The following EPHX2 variants were observed in gnomAD, a reference collection of about 807,000 sequenced individuals.
EPHX2 encodes the protein bifunctional epoxide hydrolase 2.
A neutral mutation model predicts 78.7 loss-of-function variants in EPHX2; 74 were observed. The ratio of observed to expected loss-of-function variants is 0.94; its 90% CI spans 0.78 to 1.14. The LOEUF is 1.14. Ranked by LOEUF, EPHX2 falls within the 50% of genes most tolerant of loss-of-function variation. The pLI is 0.00. For synonymous variants in EPHX2, 251 were observed against 255.2 expected (o/e 0.98, Z 0.16); for missense variants, 715 against 702.5 (o/e 1.02, Z -0.20).
At chr8:27,506,037 A>G (rs922249695) in intron 4 of EPHX2, among the ~76,000 whole-genome samples, 2 of 152,116 alleles carry the variant, frequency 1.3e-5, no homozygotes, top group African/African-American at 2.4e-5. Context: ...CACCTAGGCT[A>G]GAGTGCAGTG....
intron 5 of EPHX2, among the ~76,000 whole-genome samples, chr8:27,509,997 C>T (rs537985255): frequency 3.3e-5 from 5 of 152,294 alleles, no homozygotes; most frequent in South Asian, 4.1e-4. Flanking sequence ...CCTTGGCTCC[C>T]GCCCGACCAT....
intron 2 of EPHX2, among the ~76,000 whole-genome samples, chr8:27,503,052 G>C (rs983846135): frequency 1.3e-5 from 2 of 152,116 alleles, no homozygotes; most frequent in Non-Finnish European, 2.9e-5. Context: ...AAGTAATTGG[G>C]TCATGAGGGT....
chr8:27,504,840 A>G (rs1192994392), intron 3 of EPHX2, 116 bp from the exon 4 acceptor site: 2 of 1,057,712 alleles, frequency 1.9e-6, no homozygotes, highest in East Asian at 2.6e-5. Context: ...GGCATAAGAG[A>G]TTAATAAAAG....
intron 14 of EPHX2, among the ~76,000 whole-genome samples, chr8:27,539,467 G>A (rs554293164): frequency 6.6e-6 from 1 of 152,326 alleles, no homozygotes; most frequent in South Asian, 2.1e-4. Flanking sequence ...AAGTGGCTGA[G>A]CTGGGGTTAA....
chr8:27,509,945 A>G (rs1231972270), intron 5 of EPHX2, among the ~76,000 whole-genome samples: 1 of 152,146 alleles, frequency 6.6e-6, no homozygotes, highest in Admixed American at 6.5e-5. Flanking sequence ...CTGAGGACAC[A>G]TGGCAGGAGG....
chr8:27,505,040 A>T lies in EPHX2; in HGVS notation c.431A>T (p.Lys144Met). 1 of 1,614,160 alleles carries T rather than the reference A, an allele frequency of 6.2e-7. No homozygotes were observed. Among genetic ancestry groups the T allele is most frequent in the Middle Eastern group, 1.6e-4 (1 of 6,062 alleles). ...CTGGCCCAGCTGATGTGTGAGCTGA[A>T]GATGCACTTTGACTTCCTGATAGAG... Reference protein sequence around the residue: ...DGLAQLMCELKMHFDFLIESC... With the variant: ...DGLAQLMCELMMHFDFLIESC... Residue 144 changes from lysine to methionine, a missense_variant, in exon 4 of 19, where the codon AAG becomes ATG. Transcript: ENST00000521400.
intron 10 of EPHX2, among the ~76,000 whole-genome samples, chr8:27,521,406 T>C (rs1814643370): frequency 6.6e-6 from 1 of 152,146 alleles, no homozygotes; most frequent in African/African-American, 2.4e-5. Context: ...CAGCGTCCCC[T>C]TCCCCCAAGT....
rs72477598 is a variant in EPHX2, at chr8:27,541,594, G to A, written c.1449+52G>A. 2.9e-3 allele frequency: 4,674 copies of A among 1,603,020 alleles called. 118 individuals are homozygous for A. The African/African-American group carries it at 0.056, about 19-fold the overall frequency. On this transcript the variant is annotated intron_variant, in intron 16 of 18. Transcript: ENST00000521400. ...ATCCACACCCCAGGACCCGCCCGCG[G>A]GGCTTCCCATTGGCCTGAGCTGATA...
At chr8:27,532,547 C>T (rs1815080938) in intron 12 of EPHX2, among the ~76,000 whole-genome samples, 1 of 152,088 alleles carries the variant, frequency 6.6e-6, no homozygotes, top group South Asian at 2.1e-4. Context: ...AGGGTCTCGG[C>T]AGGGTTGGTC....
intron 12 of EPHX2, among the ~76,000 whole-genome samples, chr8:27,532,371 A>G (rs781263495): frequency 6.6e-6 from 1 of 152,228 alleles, no homozygotes; most frequent in African/African-American, 2.4e-5. Context: ...GTAAGACCGT[A>G]TCTTTAAATC....
chr8:27,544,312 T>C, intron 18 of EPHX2, 68 bp downstream of exon 18: 1 of 1,604,202 alleles, frequency 6.2e-7, no homozygotes, highest in Non-Finnish European at 8.5e-7. Context: ...ATAAAAGCTT[T>C]CCTGGTTTCA....
intron 16 of EPHX2, among the ~76,000 whole-genome samples, chr8:27,542,377 G>C (rs1229497149): frequency 1.3e-5 from 2 of 152,190 alleles, no homozygotes; most frequent in Non-Finnish European, 2.9e-5. Flanking sequence ...ATCCACTGTG[G>C]CTTCTTCTGC....
chr8:27,500,870 A>T, intron 1 of EPHX2, 56 bp from the exon 2 acceptor site: 1 of 1,484,170 alleles, frequency 6.7e-7, no homozygotes, highest in East Asian at 2.3e-5. Context: ...GTCTGTTTCC[A>T]TGTGCTGCCA....
chr8:27,511,674 T>C (rs72475820), intron 5 of EPHX2, among the ~76,000 whole-genome samples, 162 bp from the exon 6 acceptor site: 3,024 of 152,238 alleles, frequency 0.02, 95 homozygotes, highest in African/African-American at 0.07. Context: ...GGAGTCTGGC[T>C]GTGCTGGCAG....
chr8:27,521,275 G>A (rs768427726), intron 10 of EPHX2, among the ~76,000 whole-genome samples: 1 of 152,192 alleles, frequency 6.6e-6, no homozygotes, highest in Non-Finnish European at 1.5e-5. Flanking sequence ...CCTCCTGTTT[G>A]CATTTGACAT....
At chr8:27,504,030 TTAGTAA>T (rs1222027842) in intron 3 of EPHX2, among the ~76,000 whole-genome samples, 3 of 152,192 alleles carry the variant, frequency 2.0e-5, no homozygotes, top group Non-Finnish European at 4.4e-5. Context: ...CAATGGCACT[TTAGTAA>T]TGACCCAAAT....
At chr8:27,522,891 G>T (rs896072057) in intron 11 of EPHX2, among the ~76,000 whole-genome samples, 14 of 150,552 alleles carry the variant, frequency 9.3e-5, no homozygotes, top group African/African-American at 2.9e-4. Flanking sequence ...AACCCAGGAG[G>T]TGGAGGTTGC....
downstream of EPHX2, among the ~76,000 whole-genome samples, chr8:27,547,510 G>C (rs1025428722): frequency 6.6e-6 from 1 of 152,234 alleles, no homozygotes; most frequent in Admixed American, 6.5e-5. Flanking sequence ...GTAGCAATCA[G>C]ATCAGGGTAA....
At position 27,522,353 on chromosome 8, in the gene EPHX2, T is replaced by C. The variant is rs72475886; in HGVS notation, c.973-70T>C. 1.6e-4 allele frequency: 246 copies of C among 1,508,176 alleles called. 1 individual carries two copies. In the South Asian group the frequency reaches 2.7e-3, roughly 16 times the overall value. The allele number at this position is 1,508,176 out of a possible 1,614,324, so 93.4% of individuals were successfully genotyped here. On this transcript the variant is annotated intron_variant, in intron 10 of 18. Transcript: ENST00000521400. ...ACCCTGGTGTCGAGGGGCTGGCTGATGGCCGAACCTCTCAGCACCCCGTTC... is the reference window on the plus strand; with the variant it reads ...ACCCTGGTGTCGAGGGGCTGGCTGACGGCCGAACCTCTCAGCACCCCGTTC...
Sources: allele counts gnomAD v4.1 joint callset (sites outside exome capture counted in the v4.1 genomes callset), GRCh38; gene constraint gnomAD v4.1.1; transcripts MANE v1.5; gene names NCBI Gene and HGNC (gene_info 2026-07-23, HGNC 2026-07-21).